CFI: variants seen among roughly 807,000 people sequenced by gnomAD.
The protein encoded by CFI is C3B/C4B inactivator.
In CFI, 66 loss-of-function variants were observed where a neutral mutation model predicts 78.8. That is an observed-to-expected ratio of 0.84 (90% CI 0.69 to 1.03). CFI has a LOEUF of 1.03. Ranked by LOEUF, CFI falls within the 50% of genes least tolerant of loss-of-function variation. CFI has a pLI of 0.00. For synonymous variants in CFI, 250 were observed against 232.6 expected, an observed-to-expected ratio of 1.07 and a Z score of -0.68; for missense variants, 706 against 704.5, an observed-to-expected ratio of 1.00 and a Z score of -0.02.
chr4:109,742,744 C>A, intron 11 of CFI, 149 bp from the exon 12 acceptor site: 1 of 625,580 alleles, frequency 1.6e-6, no homozygotes. Context: ...CGTGTTTAAT[C>A]ATATCATATG....
chr4:109,736,855 A>G (rs1047844446), downstream of CFI, among the ~76,000 whole-genome samples: 6 of 152,070 alleles, frequency 3.9e-5, no homozygotes, highest in Non-Finnish European at 7.4e-5. Flanking sequence ...TAGACATCAC[A>G]ACTTCAAAAT....
rs28871876 is a variant in CFI at position 109,796,812 on chromosome 4, A to G, written c.57+5103T>C. On this transcript the variant is annotated intron_variant, in intron 1 of 12. Transcript: ENST00000394634. Reference sequence around the variant, plus strand: ...ACCCTGTCTTTAACAAAACAAAACAATCTCATTTACAATAGCAGTTAAAAG... The same window carrying G: ...ACCCTGTCTTTAACAAAACAAAACAGTCTCATTTACAATAGCAGTTAAAAG... Among the ~76,000 whole-genome samples, 1,002 of 152,290 alleles carry G rather than the reference A, an allele frequency of 6.6e-3. 7 individuals carry two copies. Among genetic ancestry groups the G allele is most frequent in the African/African-American group, 0.023 (955 of 41,550 alleles).
intron 1 of CFI, among the ~76,000 whole-genome samples, chr4:109,776,667 T>C (rs1729286504): frequency 6.6e-6 from 1 of 152,044 alleles, no homozygotes; most frequent in African/African-American, 2.4e-5. Flanking sequence ...AGACATATAA[T>C]TGTCAGATTC....
intron 1 of CFI, among the ~76,000 whole-genome samples, chr4:109,791,770 T>C (rs1579312046): frequency 6.6e-6 from 1 of 152,334 alleles, no homozygotes; most frequent in East Asian, 1.9e-4. Context: ...GCCTTATTTC[T>C]GGGTCCTCTA....
intron 1 of CFI, among the ~76,000 whole-genome samples, chr4:109,767,930 C>T (rs1471769463): frequency 2.0e-5 from 3 of 152,142 alleles, no homozygotes; most frequent in African/African-American, 7.2e-5. Context: ...GGCATATATA[C>T]ACCATGGAAT....
Position 109,746,338 on chromosome 4 carries a change from T to A in CFI, c.1313A>T (p.Asp438Val). Residue 438 changes from aspartate to valine, a missense_variant, in exon 11 of 13, where the codon GAC (aspartate) becomes GTC (valine). Physicochemically the swap from Asp to Val is radical, Grantham distance 152 (BLOSUM62 -3). Coordinates refer to ENST00000394634, the MANE Select transcript of CFI (RefSeq NM_000204.5). ...CAGCTCACAATCTTTTTTGTTTCCG[T>A]CTTTTTTCATTTCAATCAAAGCGAT... is the stretch of plus-strand genomic sequence containing the variant. ...NDIALIEMKK[D>V]GNKKDCELPR... 1 of 1,614,236 alleles carries A rather than the reference T, an allele frequency of 6.2e-7. No homozygotes were observed. The highest frequency in any genetic ancestry group is 8.5e-7 in the Non-Finnish European group (1 of 1,180,044).
chr4:109,766,892 G>T, intron 1 of CFI, 68 bp from the exon 2 acceptor site: 3 of 1,530,484 alleles, frequency 2.0e-6, no homozygotes, highest in Non-Finnish European at 1.8e-6. Context: ...ATGAGTAAGT[G>T]AAGGAAAAGA....
chr4:109,754,926 C>A (rs909868951), intron 7 of CFI, among the ~76,000 whole-genome samples: 2 of 152,170 alleles, frequency 1.3e-5, no homozygotes, highest in East Asian at 1.9e-4. Flanking sequence ...ACAGCTAGTA[C>A]ACCTTTGATT....
rs1726922845 is a variant in CFI at position 109,760,532 on chromosome 4, A to C, written c.763T>G (p.Cys255Gly). 1 of 1,582,622 alleles carries C rather than the reference A, an allele frequency of 6.3e-7. No homozygotes were observed. Among genetic ancestry groups the C allele is most frequent in the Non-Finnish European group, 8.7e-7 (1 of 1,151,288 alleles). Residue 255 changes from cysteine to glycine, a missense_variant, in exon 5 of 13, where the codon TGT (cysteine) becomes GGT (glycine). Physicochemically the swap from Cys to Gly is radical, Grantham distance 159 (BLOSUM62 -3). Coordinates refer to ENST00000394634, the MANE Select transcript of CFI (RefSeq NM_000204.5). ...CTAGATTTATGTCTACCTTTACAAC[A>C]CAGTTCATCACTTTGGTCTCCACAA... ...NDCGDQSDELCCKACQGKGFH... is the reference protein window; with the variant it reads ...NDCGDQSDELGCKACQGKGFH...
In CFI at chr4:109,746,802, C is replaced by T. The variant is rs575743254; in HGVS notation, c.1149-300G>A. On this transcript the variant is annotated intron_variant, in intron 10 of 12. Transcript: ENST00000394634. ...TTTGCTGCCTCTGGAGTGAGTGTGCCGTCGCTGCAGGTGTTTAAGCAGAGA... is the reference window on the plus strand; with the variant it reads ...TTTGCTGCCTCTGGAGTGAGTGTGCTGTCGCTGCAGGTGTTTAAGCAGAGA... 9.2e-5 allele frequency among the ~76,000 whole-genome samples: 14 copies of T among 152,198 alleles called. 1 individual carries two copies. Among genetic ancestry groups the T allele is most frequent in the Middle Eastern group, 3.4e-3 (1 of 294 alleles).
At chr4:109,733,289 A>G in the CFI span, among the ~76,000 whole-genome samples, 1 of 152,212 alleles carries the variant, frequency 6.6e-6, no homozygotes, top group Non-Finnish European at 1.5e-5. Context: ...CGTAACTTCT[A>G]GATGACCCAC....
chr4:109,787,798 C>T (rs1335837907), intron 1 of CFI, among the ~76,000 whole-genome samples: 1 of 151,812 alleles, frequency 6.6e-6, no homozygotes, highest in African/African-American at 2.4e-5. Flanking sequence ...AGAAAATCAT[C>T]TGTCTAGTTT....
chr4:109,746,098 T>G, intron 11 of CFI, 124 bp downstream of exon 11: 2 of 1,159,662 alleles, frequency 1.7e-6, no homozygotes, highest in Non-Finnish European at 2.5e-6. Flanking sequence ...CATGGCTGGA[T>G]GTTTACTTTT....
At chr4:109,764,806 C>T (rs75168992) in intron 2 of CFI, 116 bp from the exon 3 acceptor site, 9 of 951,626 alleles carry the variant, frequency 9.5e-6, no homozygotes, top group South Asian at 6.0e-5. Flanking sequence ...AACATCATGA[C>T]GATTTTAACA....
Position 109,783,812 on chromosome 4 carries a change from G to GATATATATATATATATATATATAT in CFI, c.58-16989_58-16988insATATATATATATATATATATATAT, listed in dbSNP as rs34128338. ...TTCAATGAGTGGATAAAGAAACTGT[G>GATATATATATATATATATATATAT]ATATATATATATATATATATATGAT... On this transcript the variant is annotated intron_variant, in intron 1 of 12. Coordinates refer to ENST00000394634, the MANE Select transcript of CFI (RefSeq NM_000204.5). Among the ~76,000 whole-genome samples, 101 of 112,962 alleles carry GATATATATATATATATATATATAT rather than the reference G, an allele frequency of 8.9e-4. 3 individuals are homozygous for GATATATATATATATATATATATAT. The highest frequency in any genetic ancestry group is 1.3e-3 in the Non-Finnish European group (70 of 52,586). The allele number at this position is 112,962 out of a possible 152,430, so 74.1% of individuals were successfully genotyped here.
chr4:109,761,689 A>G lies in CFI; in HGVS notation c.486T>C (p.Gly162=), dbSNP rs768313817. 9 of 1,609,522 alleles carry G rather than the reference A, an allele frequency of 5.6e-6. No homozygotes were observed. The highest frequency in any genetic ancestry group is 1.1e-5 in the South Asian group (1 of 90,994). The change falls in exon 4 of 13, where the codon GGT becomes GGC. Residue 162 remains glycine (G), a synonymous_variant. Coordinates refer to ENST00000394634, the MANE Select transcript of CFI (RefSeq NM_000204.5). The part of the protein sequence containing the change: ...VACLDLGFQQ[G]ADTQRRFKLS... ...ACTTAAACCTTCTTTGAGTATCAGCACCTCTGCAAATAGAATAAAGGAAAC... is the reference window on the plus strand; with the variant it reads ...ACTTAAACCTTCTTTGAGTATCAGCGCCTCTGCAAATAGAATAAAGGAAAC...
At chr4:109,787,820 T>G (rs560070425) in intron 1 of CFI, among the ~76,000 whole-genome samples, 51 of 152,060 alleles carry the variant, frequency 3.4e-4, no homozygotes, top group Admixed American at 7.2e-4. Flanking sequence ...CTGGTCTTGT[T>G]TTTTTCATAA....
chr4:109,744,184 T>A (rs1415331241), intron 11 of CFI, among the ~76,000 whole-genome samples: 1 of 152,168 alleles, frequency 6.6e-6, no homozygotes, highest in Non-Finnish European at 1.5e-5. Context: ...AATAACCTGA[T>A]TATAAAAATA....
rs11098045 is a variant in CFI, at chr4:109,764,845, A to G, written c.329-155T>C. Among the ~76,000 whole-genome samples, 147,831 of 152,316 alleles carry G rather than the reference A, an allele frequency of 0.97. 71,877 individuals are homozygous for G. The highest frequency in any genetic ancestry group is 1 in the East Asian group (5,190 of 5,190). ...AATAGTAAGCAATCATTTTACGAGT[A>G]TTTATTATGTGTCAGCGGCAGTGCT... On this transcript the variant is annotated intron_variant, in intron 2 of 12. Coordinates refer to ENST00000394634, the MANE Select transcript of CFI (RefSeq NM_000204.5).
Sources: allele counts gnomAD v4.1 joint callset (sites outside exome capture counted in the v4.1 genomes callset), GRCh38; gene constraint gnomAD v4.1.1; transcripts MANE v1.5; gene names NCBI Gene and HGNC (gene_info 2026-07-23, HGNC 2026-07-21).